The following HPRT1 variants were observed in gnomAD, a reference collection of about 807,000 sequenced individuals.
The protein encoded by HPRT1 is hypoxanthine-guanine phosphoribosyltransferase.
Under a neutral mutation model 19.0 loss-of-function variants are expected in HPRT1, and 4 were observed. That is an observed-to-expected ratio of 0.21 (90% CI 0.10 to 0.48). The LOEUF is 0.48. Among genes scored for constraint, HPRT1 ranks in the 20% least tolerant of loss-of-function variants. The pLI, the probability that HPRT1 is intolerant of heterozygous loss-of-function variation, is 0.98. For missense variants in HPRT1, 65 were observed against 164.0 expected (o/e 0.40, Z 3.30); for synonymous variants, 53 against 54.9 (o/e 0.97, Z 0.15).
At position 134,486,446 on chromosome X, in the gene HPRT1, T is replaced by TG. The variant is rs768023481; in HGVS notation, c.319-19_319-18insG. On this transcript the variant is annotated intron_variant, in intron 3 of 8. Coordinates refer to ENST00000298556, the MANE Select transcript of HPRT1 (RefSeq NM_000194.3). Reference sequence around the variant, plus strand: ...GTGTGTAGATATATATATATATAGTTTTTTTTTTTTTTAACTAGAATGACC... The same window carrying TG: ...GTGTGTAGATATATATATATATAGTTGTTTTTTTTTTTTAACTAGAATGACC... 9.4e-6 allele frequency: 8 copies of TG among 854,020 alleles called. No homozygotes were observed. The East Asian group carries it at 1.8e-4, about 20-fold the overall frequency. 70.4% of individuals were successfully genotyped at this position (854,020 alleles called of 1,213,427 possible). A position where few individuals can be genotyped will look rare whatever the true frequency, so the allele number is the denominator to read the frequency against.
In HPRT1 at chrX:134,473,344, A is replaced by G. The variant is rs867788976; in HGVS notation, c.28-15A>G. 9.6e-6 allele frequency: 9 copies of G among 937,767 alleles called. No individual in the cohort carries two copies. Among genetic ancestry groups the G allele is most frequent in the East Asian group, 3.1e-5 (1 of 32,463 alleles). The allele number at this position is 937,767 out of a possible 1,213,427, so 77.3% of individuals were successfully genotyped here. On this transcript the variant is annotated splice_polypyrimidine_tract_variant and intron_variant, in intron 1 of 8. Coordinates refer to ENST00000298556, the MANE Select transcript of HPRT1 (RefSeq NM_000194.3). ...CTGTAATGCTCTCATTGAAACAGCT[A>G]TATTTCTTTTTCAGATTAGTGATGA...
intron 1 of HPRT1, among the ~76,000 whole-genome samples, chrX:134,466,146 G>A (rs941409804): frequency 9.0e-6 from 1 of 110,537 alleles, no homozygotes; most frequent in Non-Finnish European, 1.9e-5. Context: ...CAGGACGGGC[G>A]CAGTGGCTCA....
chrX:134,470,064 A>G (rs2077606761), intron 1 of HPRT1, among the ~76,000 whole-genome samples: 2 of 112,844 alleles, frequency 1.8e-5, no homozygotes, highest in Non-Finnish European at 3.7e-5. Context: ...ATTTAATCCT[A>G]GAGGATCTGG....
chrX:134,496,351 A>T (rs1045606911), intron 6 of HPRT1, among the ~76,000 whole-genome samples: 5 of 111,731 alleles, frequency 4.5e-5, no homozygotes, highest in Non-Finnish European at 9.4e-5. Flanking sequence ...TCATCTGCTT[A>T]TTGGCCATTT....
At chrX:134,484,915 C>T (rs1189081551) in intron 3 of HPRT1, among the ~76,000 whole-genome samples, 3 of 111,533 alleles carry the variant, frequency 2.7e-5, no homozygotes, top group African/African-American at 9.8e-5. Flanking sequence ...GTCAAGCGAT[C>T]GTCTTGCCTC....
At chrX:134,466,708 C>T (rs909212801) in intron 1 of HPRT1, among the ~76,000 whole-genome samples, 19 of 112,035 alleles carry the variant, frequency 1.7e-4, no homozygotes, top group African/African-American at 6.2e-4. Flanking sequence ...ACAGATGTAA[C>T]TTATATTCAT....
At chrX:134,493,324 G>C (rs912402216) in intron 5 of HPRT1, among the ~76,000 whole-genome samples, 184 bp from the exon 6 acceptor site, 1 of 111,318 alleles carries the variant, frequency 9.0e-6, no homozygotes, top group Admixed American at 9.6e-5. Context: ...TCCAGTCCTG[G>C]GGGCTGGCAT....
chrX:134,480,367 A>G (rs769755665), intron 3 of HPRT1, among the ~76,000 whole-genome samples: 13 of 111,035 alleles, frequency 1.2e-4, no homozygotes, highest in African/African-American at 2.0e-4. Context: ...TTGCAAGCAG[A>G]CAGAATTCAT....
chrX:134,490,694 C>T (rs754677648), intron 5 of HPRT1, among the ~76,000 whole-genome samples: 1 of 106,850 alleles, frequency 9.4e-6, no homozygotes, highest in Non-Finnish European at 1.9e-5. Flanking sequence ...CTTCCTTTAG[C>T]TCAGTGGTTC....
intron 1 of HPRT1, among the ~76,000 whole-genome samples, chrX:134,470,523 T>G (rs922425281): frequency 8.9e-6 from 1 of 111,925 alleles, no homozygotes; most frequent in African/African-American, 3.2e-5. Flanking sequence ...AAGGAGATGC[T>G]CAATAGGTAC....
intron 4 of HPRT1, among the ~76,000 whole-genome samples, chrX:134,486,847 A>G (rs2077655075): frequency 9.2e-6 from 1 of 108,227 alleles, no homozygotes; most frequent in Non-Finnish European, 1.9e-5. Flanking sequence ...AACCTATGTG[A>G]GTCTATGTGA....
Position 134,473,135 on chromosome X carries a change from C to T in HPRT1, c.28-224C>T, listed in dbSNP as rs1048499194. On this transcript the variant is annotated intron_variant, in intron 1 of 8. Coordinates refer to ENST00000298556, the MANE Select transcript of HPRT1 (RefSeq NM_000194.3). ...GAACTCCTGAGCTCAGGCAGTCTGCCTGCCTCAGCCTCCCAAAGTGCTGGG... is the reference window on the plus strand; with the variant it reads ...GAACTCCTGAGCTCAGGCAGTCTGCTTGCCTCAGCCTCCCAAAGTGCTGGG... 5.1e-4 allele frequency among the ~76,000 whole-genome samples: 57 copies of T among 111,714 alleles called. 3 individuals carry two copies. In the South Asian group the frequency reaches 0.021, roughly 42 times the overall value.
intron 6 of HPRT1, among the ~76,000 whole-genome samples, chrX:134,495,216 A>T (rs1196541807): frequency 3.0e-5 from 3 of 100,585 alleles, no homozygotes; most frequent in South Asian, 4.4e-4. Context: ...AAAAAAAAAA[A>T]GAATGCATGG....
chrX:134,466,467 G>T (rs1349147393), intron 1 of HPRT1, among the ~76,000 whole-genome samples: 3 of 108,902 alleles, frequency 2.8e-5, no homozygotes, highest in African/African-American at 6.7e-5. Context: ...GTTAGAAGAG[G>T]TCATGTGAGC....
intron 3 of HPRT1, among the ~76,000 whole-genome samples, chrX:134,482,795 A>G (rs1255540349): frequency 9.4e-6 from 1 of 106,629 alleles, no homozygotes; most frequent in Non-Finnish European, 1.9e-5. Flanking sequence ...CTGCATACAT[A>G]TTTTGGAAAA....
intron 6 of HPRT1, among the ~76,000 whole-genome samples, chrX:134,495,140 C>T (rs2077677106): frequency 9.5e-6 from 1 of 105,560 alleles, no homozygotes. Context: ...TATAAGTGGC[C>T]TACTGTGATC....
At chrX:134,487,297 T>G (rs1424024678) in intron 4 of HPRT1, among the ~76,000 whole-genome samples, 2 of 111,570 alleles carry the variant, frequency 1.8e-5, no homozygotes, top group Non-Finnish European at 3.8e-5. Flanking sequence ...GCTGTTTACC[T>G]GAAAATAATG....
At chrX:134,491,595 C>T (rs955612016) in intron 5 of HPRT1, among the ~76,000 whole-genome samples, 13 of 110,619 alleles carry the variant, frequency 1.2e-4, no homozygotes, top group African/African-American at 3.6e-4. Flanking sequence ...CCTTATTTCT[C>T]GTACCTGAAA....
intron 6 of HPRT1, among the ~76,000 whole-genome samples, chrX:134,494,628 C>G (rs1275338143): frequency 8.9e-6 from 1 of 112,039 alleles, no homozygotes; most frequent in Non-Finnish European, 1.9e-5. Context: ...AGGACACTAA[C>G]TAGTATCCTA....
Sources: allele counts gnomAD v4.1 joint callset (sites outside exome capture counted in the v4.1 genomes callset), GRCh38; gene constraint gnomAD v4.1.1; transcripts MANE v1.5; gene names NCBI Gene and HGNC (gene_info 2026-07-23, HGNC 2026-07-21).